The following ZNF343 variants were observed in gnomAD, a reference collection of about 807,000 sequenced individuals.
ZNF343 encodes the protein zinc finger protein 343.
Under a neutral mutation model 13.8 loss-of-function variants are expected in ZNF343, and 11 were observed. The ratio of observed to expected loss-of-function variants is 0.80; its 90% CI spans 0.50 to 1.32. The LOEUF is 1.32. Ranked by LOEUF, ZNF343 falls within the 40% of genes most tolerant of loss-of-function variation. The probability of loss-of-function intolerance (pLI) is 0.00; values close to 1 mark genes in which losing one functional copy is unlikely to be tolerated. For missense variants in ZNF343, 658 were observed against 714.2 expected, an observed-to-expected ratio of 0.92 and a Z score of 0.90; for synonymous variants, 248 against 260.0, an observed-to-expected ratio of 0.95 and a Z score of 0.44.
intron 1 of ZNF343, among the ~76,000 whole-genome samples, chr20:2,521,631 A>T (rs1303625894): frequency 6.6e-6 from 1 of 152,226 alleles, no homozygotes; most frequent in African/African-American, 2.4e-5. Flanking sequence ...ATTGGGGCTC[A>T]GCCTCCGGAG....
chr20:2,485,241 A>G (rs2085263900), intron 5 of ZNF343, among the ~76,000 whole-genome samples: 1 of 152,258 alleles, frequency 6.6e-6, no homozygotes, highest in African/African-American at 2.4e-5. Flanking sequence ...TCAGTAATGA[A>G]CAAGAAAGAC....
At chr20:2,524,149 GTC>G (rs1397811832) in intron 1 of ZNF343, among the ~76,000 whole-genome samples, 1 of 151,948 alleles carries the variant, frequency 6.6e-6, no homozygotes, top group African/African-American at 2.4e-5. Context: ...GTAAGACCCT[GTC>G]TCTCTACAAA....
At chr20:2,517,422 TACA>T (rs2085764102) in intron 1 of ZNF343, among the ~76,000 whole-genome samples, 1 of 151,764 alleles carries the variant, frequency 6.6e-6, no homozygotes, top group African/African-American at 2.4e-5. Flanking sequence ...TACACACATA[TACA>T]TATACCAGGA....
At chr20:2,511,730 C>G (rs1367615110), upstream of ZNF343, among the ~76,000 whole-genome samples, 1 of 152,222 alleles carries the variant, frequency 6.6e-6, no homozygotes, top group African/African-American at 2.4e-5. Context: ...CCTCGCCCTG[C>G]TTTCCTCCCT....
intron 1 of ZNF343, among the ~76,000 whole-genome samples, chr20:2,501,791 C>T (rs1417555487): frequency 6.6e-6 from 1 of 152,166 alleles, no homozygotes; most frequent in Non-Finnish European, 1.5e-5. Context: ...GAAAGGACAT[C>T]CACACCAAAA....
Position 2,493,503 on chromosome 20 carries a change from T to C in ZNF343, c.177+16A>G, listed in dbSNP as rs1403737667. 1.9e-6 allele frequency: 3 copies of C among 1,599,694 alleles called. No individual in the cohort carries two copies. In the African/African-American group the frequency reaches 4.1e-5, roughly 22 times the overall value. ...CCAGCACTTCAGGAAAAAAAAAAAA[T>C]GTAACCCCAACTCACCACTATTTGG... On this transcript the variant is annotated intron_variant, in intron 4 of 5. Transcript: ENST00000278772.
chr20:2,501,038 G>A (rs2085555624), intron 1 of ZNF343, among the ~76,000 whole-genome samples: 1 of 152,146 alleles, frequency 6.6e-6, no homozygotes, highest in Non-Finnish European at 1.5e-5. Context: ...AGTGCAAGGG[G>A]TCAGGGAATT....
At chr20:2,503,856 A>G (rs2085610661) in intron 1 of ZNF343, among the ~76,000 whole-genome samples, 2 of 152,262 alleles carry the variant, frequency 1.3e-5, no homozygotes, top group South Asian at 4.2e-4. Context: ...AAGAGAAAGC[A>G]GGAAAAATCT....
Position 2,483,839 on chromosome 20 carries a change from T to G in ZNF343, c.1122A>C (p.Thr374=), listed in dbSNP as rs777800592. Residue 374 remains threonine (T), a synonymous_variant, in exon 6 of 6, where the codon ACA becomes ACC. Coordinates refer to ENST00000278772, the MANE Select transcript of ZNF343 (RefSeq NM_024325.6). ...ACACATAGGGTTTCTCACCGGAGTG[T>G]GTCCTCTGGTGTCTGATGAAGGATG... ...EKSSFIRHQR[T]HSGEKPYVCL... is the part of the protein sequence containing the mutation. The G allele has an allele frequency of 6.2e-7, 1 of 1,613,376 alleles. No individual in the cohort carries two copies.
chr20:2,503,376 C>G (rs991790719), intron 1 of ZNF343, among the ~76,000 whole-genome samples: 6 of 152,116 alleles, frequency 3.9e-5, no homozygotes. Flanking sequence ...TTTAACACCC[C>G]ACTATCAATA....
chr20:2,507,438 A>C (rs1260335094), intron 1 of ZNF343, among the ~76,000 whole-genome samples: 1 of 152,128 alleles, frequency 6.6e-6, no homozygotes. Flanking sequence ...TTTAATGCCT[A>C]TGGGCCTCAA....
At chr20:2,524,101 C>G (rs941123866) in intron 1 of ZNF343, among the ~76,000 whole-genome samples, 1 of 152,110 alleles carries the variant, frequency 6.6e-6, no homozygotes, top group East Asian at 1.9e-4. Context: ...AGGAGGATCC[C>G]TTGAGCCCAG....
At chr20:2,524,121 A>G (rs939498263) in intron 1 of ZNF343, among the ~76,000 whole-genome samples, 2 of 152,074 alleles carry the variant, frequency 1.3e-5, no homozygotes, top group Non-Finnish European at 2.9e-5. Flanking sequence ...GGAGTTCAAG[A>G]CCAGACTGGG....
intron 1 of ZNF343, among the ~76,000 whole-genome samples, chr20:2,522,249 A>T (rs2085785815): frequency 6.6e-6 from 1 of 152,206 alleles, no homozygotes; most frequent in Non-Finnish European, 1.5e-5. Flanking sequence ...GGTTAAGGAC[A>T]TATTCCTTAA....
In ZNF343 at chr20:2,484,583, T is replaced by G; in HGVS notation, c.378A>C (p.Gln126His). 1 of 1,614,054 alleles carries G rather than the reference T, an allele frequency of 6.2e-7. No homozygotes were observed. Among genetic ancestry groups the G allele is most frequent in the Non-Finnish European group, 8.5e-7 (1 of 1,179,966 alleles). Residue 126 changes from glutamine (Q) to histidine (H), a missense_variant, in exon 6 of 6, where the codon CAA becomes CAC. Transcript: ENST00000278772. ...AGCCCAGGAAGATCTGAAGTACATG[T>G]TGACTGAGGAACTGCTGACAGGAGA... is the stretch of plus-strand genomic sequence containing the variant. ...LAFSCQQFLS[Q>H]HVLQIFLGLC... is the part of the protein sequence containing the mutation.
intron 1 of ZNF343, among the ~76,000 whole-genome samples, chr20:2,517,493 C>G (rs1357947969): frequency 6.9e-6 from 1 of 143,890 alleles, no homozygotes; most frequent in Non-Finnish European, 1.5e-5. Flanking sequence ...TCCCTCTGGT[C>G]TTTTTTTTTT....
chr20:2,517,331 A>G (rs930643020), intron 1 of ZNF343, among the ~76,000 whole-genome samples: 1 of 151,880 alleles, frequency 6.6e-6, no homozygotes, highest in African/African-American at 2.4e-5. Flanking sequence ...AAATATACAC[A>G]CACATATATA....
chr20:2,483,721 A>G lies in ZNF343; in HGVS notation c.1240T>C (p.Cys414Arg), dbSNP rs1380027650. ...SGEKPYVCRE[C>R]GRGFSQNSDL... is the part of the protein sequence containing the mutation. Reference sequence around the variant, plus strand: ...GAGTTCTGGCTAAAGCCTCGCCCACACTCCCTGCAAACATAAGGCTTCTCC... The same window carrying G: ...GAGTTCTGGCTAAAGCCTCGCCCACGCTCCCTGCAAACATAAGGCTTCTCC... The change falls in exon 6 of 6, where the codon TGT becomes CGT. Residue 414 changes from cysteine (C) to arginine (R), a missense_variant. Coordinates refer to ENST00000278772, the MANE Select transcript of ZNF343 (RefSeq NM_024325.6). The G allele has an allele frequency of 6.2e-7, 1 of 1,613,492 alleles. No homozygotes were observed. The highest frequency in any genetic ancestry group is 8.5e-7 in the Non-Finnish European group (1 of 1,179,846).
chr20:2,524,145 C>T (rs916319685), intron 1 of ZNF343, among the ~76,000 whole-genome samples: 2 of 151,986 alleles, frequency 1.3e-5, no homozygotes, highest in Non-Finnish European at 1.5e-5. Flanking sequence ...CATAGTAAGA[C>T]CCTGTCTCTC....
Sources: gnomAD v4.1 joint callset for allele counts (sites outside exome capture counted in the v4.1 genomes callset) on GRCh38, gnomAD v4.1.1 for gene constraint, MANE v1.5 for transcripts, NCBI Gene and HGNC (gene_info 2026-07-23, HGNC 2026-07-21) for gene names.